The following PODXL2 variants were observed in gnomAD, a reference collection of about 807,000 sequenced individuals.
PODXL2 encodes the protein podocalyxin-like protein 2.
In PODXL2, 17 loss-of-function variants were observed where a neutral mutation model predicts 53.4. The ratio of observed to expected loss-of-function variants is 0.32; its 90% confidence interval spans 0.22 to 0.48. PODXL2 has a LOEUF of 0.48. Ranked by LOEUF, PODXL2 falls within the 20% of genes least tolerant of loss-of-function variation. The pLI, the probability that PODXL2 is intolerant of heterozygous loss-of-function variation, is 0.99. For missense variants in PODXL2, 673 were observed against 760.0 expected (o/e 0.89, Z 1.35); for synonymous variants, 311 against 306.7 (o/e 1.01, Z -0.15).
Position 127,662,254 on chromosome 3 carries a change from G to C in PODXL2, c.1149G>C (p.Trp383Cys). The change falls in exon 4 of 8, where the codon TGG becomes TGC. Residue 383 changes from tryptophan to cysteine, a missense_variant. Transcript: ENST00000342480. ...TCGCACAGGTGATCTGCAAGGACTG[G>C]AGCAATCTGGCTGGGAAAAACTACA... The part of the protein sequence containing the change: ...WDSTQVICKD[W>C]SNLAGKNYII... 6.2e-7 allele frequency: 1 copy of C among 1,613,996 alleles called. No homozygotes were observed. The highest frequency in any genetic ancestry group is 8.5e-7 in the Non-Finnish European group (1 of 1,179,910).
intron 2 of PODXL2, among the ~76,000 whole-genome samples, chr3:127,656,339 T>G (rs1273042645): frequency 6.6e-6 from 1 of 152,208 alleles, no homozygotes; most frequent in Non-Finnish European, 1.5e-5. Context: ...CCTGTAATCC[T>G]GGAACTTTGG....
At chr3:127,633,710 A>G (rs2074561494) in intron 1 of PODXL2, among the ~76,000 whole-genome samples, 1 of 152,152 alleles carries the variant, frequency 6.6e-6, no homozygotes, top group Non-Finnish European at 1.5e-5. Context: ...CTCCTCATTT[A>G]CAATGGAGGC....
rs2074529899 is a variant in PODXL2 at position 127,629,683 on chromosome 3, G to A, written c.70+394G>A. Reference sequence around the variant, plus strand: ...TGTGCCTGCGCACTCGGGGGAAGAGGCGTGTGTGACAGCCACGCGGGGAGG... The same window carrying A: ...TGTGCCTGCGCACTCGGGGGAAGAGACGTGTGTGACAGCCACGCGGGGAGG... On this transcript the variant is annotated intron_variant, in intron 1 of 7. Coordinates refer to ENST00000342480, the MANE Select transcript of PODXL2 (RefSeq NM_015720.4). The surrounding 1 kb of genome is among the most constrained non-coding windows in gnomAD (Gnocchi z 6.4). 6.6e-6 allele frequency among the ~76,000 whole-genome samples: 1 copy of A among 152,178 alleles called. No homozygotes were observed. Among genetic ancestry groups the A allele is most frequent in the African/African-American group, 2.4e-5 (1 of 41,462 alleles).
At chr3:127,666,351 G>A (rs193194659) in intron 4 of PODXL2, among the ~76,000 whole-genome samples, 1 of 141,264 alleles carries the variant, frequency 7.1e-6, no homozygotes, top group South Asian at 2.3e-4. Context: ...CTGAGGCTCA[G>A]AGAGGTACTT....
At chr3:127,652,107 G>C (rs997787354) in intron 2 of PODXL2, among the ~76,000 whole-genome samples, 2 of 152,228 alleles carry the variant, frequency 1.3e-5, no homozygotes, top group Non-Finnish European at 2.9e-5. Context: ...TGTGTCAAAA[G>C]ACACTGGCTT....
At chr3:127,653,132 TGCAGCGAGTCCCTAGAA>T (rs1473901548) in intron 2 of PODXL2, among the ~76,000 whole-genome samples, 1 of 152,170 alleles carries the variant, frequency 6.6e-6, no homozygotes, top group East Asian at 1.9e-4. Context: ...CCCCTCTCAA[TGCAGCGAGTCCCTAGAA>T]GCCTGATCTG....
chr3:127,669,265 A>T, intron 6 of PODXL2, 63 bp downstream of exon 6: 1 of 1,170,970 alleles, frequency 8.5e-7, no homozygotes. Flanking sequence ...TCTGTTCCTC[A>T]AAGTCCCAGG....
intron 2 of PODXL2, among the ~76,000 whole-genome samples, chr3:127,649,336 A>G (rs2074674841): frequency 1.3e-5 from 2 of 152,214 alleles, no homozygotes; most frequent in African/African-American, 2.4e-5. Context: ...CTTCTGCTAC[A>G]TGGACTGTGC....
At chr3:127,635,790 T>C (rs1488850914) in intron 1 of PODXL2, among the ~76,000 whole-genome samples, 1 of 152,244 alleles carries the variant, frequency 6.6e-6, no homozygotes, top group Non-Finnish European at 1.5e-5. Flanking sequence ...ACGGTAGCCA[T>C]TTATTTAGCT....
Position 127,641,113 on chromosome 3 carries a change from T to C in PODXL2, c.349+1590T>C, listed in dbSNP as rs747500530. Among the ~76,000 whole-genome samples, 10 of 152,184 alleles carry C rather than the reference T, an allele frequency of 6.6e-5. No homozygotes were observed. The East Asian group carries it at 1.7e-3, about 26-fold the overall frequency. ...TTTTAGTAAAGACAGGGTTTCACCATGTTGGCCAGGCTGGTCTCTAACTCC... is the reference window on the plus strand; with the variant it reads ...TTTTAGTAAAGACAGGGTTTCACCACGTTGGCCAGGCTGGTCTCTAACTCC... On this transcript the variant is annotated intron_variant, in intron 2 of 7. Transcript: ENST00000342480.
chr3:127,641,971 A>C (rs2074623685), intron 2 of PODXL2, among the ~76,000 whole-genome samples: 1 of 151,524 alleles, frequency 6.6e-6, no homozygotes, highest in African/African-American at 2.4e-5. Context: ...CCTTAGGATA[A>C]ATTTCTAGAA....
At position 127,672,475 on chromosome 3, in the gene PODXL2, C is replaced by T. The variant is rs1312226736; in HGVS notation, c.1813C>T (p.Leu605=). The part of the protein sequence containing the change: ...DSDVFEEDTH[L] ...GGACGTGTTCGAGGAGGACACGCACCTGTGAGCGCAGCCGAGGCGCAGGCC... is the reference window on the plus strand; with the variant it reads ...GGACGTGTTCGAGGAGGACACGCACTTGTGAGCGCAGCCGAGGCGCAGGCC... The change falls in exon 8 of 8, where the codon CTG becomes TTG. Residue 605 remains leucine (L), a synonymous_variant. Coordinates refer to ENST00000342480, the MANE Select transcript of PODXL2 (RefSeq NM_015720.4). The T allele has an allele frequency of 2.7e-6, 4 of 1,503,632 alleles. No individual in the cohort carries two copies. Among genetic ancestry groups the T allele is most frequent in the African/African-American group, 2.8e-5 (2 of 70,728 alleles). The allele number at this position is 1,503,632 out of a possible 1,614,324, so 93.1% of individuals were successfully genotyped here.
intron 1 of PODXL2, among the ~76,000 whole-genome samples, chr3:127,632,792 C>T (rs961208952): frequency 6.6e-6 from 1 of 152,316 alleles, no homozygotes; most frequent in Admixed American, 6.5e-5. Flanking sequence ...TCTCTTGTTG[C>T]ACCTCCAGGA....
At chr3:127,638,478 G>A (rs1002411055) in intron 1 of PODXL2, among the ~76,000 whole-genome samples, 6 of 152,182 alleles carry the variant, frequency 3.9e-5, no homozygotes, top group African/African-American at 1.2e-4. Flanking sequence ...ACTTTGGGAG[G>A]CCTAGGAGGG....
At chr3:127,655,333 A>T (rs1041942188) in intron 2 of PODXL2, among the ~76,000 whole-genome samples, 14 of 149,844 alleles carry the variant, frequency 9.3e-5, no homozygotes, top group African/African-American at 3.5e-4. Context: ...TTGAACCTGG[A>T]AGGTGGAGGT....
chr3:127,647,806 G>A (rs1424046554), intron 2 of PODXL2, among the ~76,000 whole-genome samples: 2 of 152,232 alleles, frequency 1.3e-5, no homozygotes, highest in African/African-American at 4.8e-5. Context: ...AACAGTCACT[G>A]GATGGTCTCC....
intron 1 of PODXL2, among the ~76,000 whole-genome samples, chr3:127,634,225 A>G (rs900323118): frequency 1.3e-5 from 2 of 152,192 alleles, no homozygotes; most frequent in Non-Finnish European, 2.9e-5. Flanking sequence ...CAGGAGTTTG[A>G]GACCAGCCTG....
chr3:127,662,714 C>G (rs975866256), intron 4 of PODXL2, among the ~76,000 whole-genome samples: 2 of 152,140 alleles, frequency 1.3e-5, no homozygotes, highest in Non-Finnish European at 2.9e-5. Flanking sequence ...TCATAGCTCT[C>G]TCTATCGAAA....
intron 4 of PODXL2, among the ~76,000 whole-genome samples, chr3:127,662,826 C>T (rs958623377): frequency 2.0e-5 from 3 of 152,202 alleles, no homozygotes; most frequent in Non-Finnish European, 4.4e-5. Context: ...GCAATGGCAG[C>T]ATTGTTAGGT....
Sources: gnomAD v4.1 joint callset for allele counts (sites outside exome capture counted in the v4.1 genomes callset) on GRCh38, gnomAD v4.1.1 for gene constraint, Gnocchi (gnomAD v3.1) non-coding constraint, MANE v1.5 for transcripts, NCBI Gene and HGNC (gene_info 2026-07-23, HGNC 2026-07-21) for gene names.